ACTN4: variants seen among roughly 807,000 people sequenced by gnomAD.
ACTN4 encodes actinin alpha 4, also known as alpha-actinin-4.
ACTN4 carries 18 observed loss-of-function variants against 114.2 expected under a neutral mutation model. That is an observed-to-expected ratio of 0.16 (90% CI 0.11 to 0.23). The LOEUF (loss-of-function observed/expected upper bound fraction) is 0.23. ACTN4 is among the 10% of genes least tolerant of loss of function. ACTN4 has a pLI of 1.00. For synonymous variants in ACTN4, 515 were observed against 506.3 expected, an observed-to-expected ratio of 1.02 and a Z score of -0.23; for missense variants, 722 against 1,262.9, an observed-to-expected ratio of 0.57 and a Z score of 6.49.
At chr19:38,670,440 C>G (rs575744482) in intron 1 of ACTN4, among the ~76,000 whole-genome samples, 2 of 152,294 alleles carry the variant, frequency 1.3e-5, no homozygotes, top group South Asian at 2.1e-4. Flanking sequence ...ACCTGGTTCT[C>G]TTCTCCTGGG....
In ACTN4 at chr19:38,647,732, C is replaced by G. The variant is rs1031901984; in HGVS notation, c.-14C>G. The G allele has an allele frequency of 2.6e-6, 4 of 1,536,960 alleles. No homozygotes were observed. The African/African-American group carries it at 5.7e-5, about 22-fold the overall frequency. On this transcript the variant is annotated 5_prime_UTR_variant, in exon 1 of 21. Transcript: ENST00000252699. ...GGGAGCGGACAGGCTGGTGGGCGAG[C>G]GAGAGGCGGCGGAATGGTGGACTAC...
rs143238503 is a variant in ACTN4, at chr19:38,727,318, A to G, written c.2337+215A>G. ...TTCACACGCACAGGCAGGGGGCCGG[A>G]GGTCCCAAGTCCTGCCTTCTGGGGT... On this transcript the variant is annotated intron_variant, in intron 18 of 20. Transcript: ENST00000252699. The surrounding 1 kb of genome is among the most constrained non-coding windows in gnomAD (Gnocchi z 5.4). Among the ~76,000 whole-genome samples, 33 of 152,204 alleles carry G rather than the reference A, an allele frequency of 2.2e-4. 2 individuals carry two copies. The East Asian group carries it at 6.4e-3, about 29-fold the overall frequency.
At chr19:38,673,714 T>TC (rs1967273982) in intron 1 of ACTN4, among the ~76,000 whole-genome samples, 1 of 90,012 alleles carries the variant, frequency 1.1e-5, no homozygotes, top group Non-Finnish European at 2.2e-5. Context: ...TATATTTATA[T>TC]ATTTATATAT....
intron 1 of ACTN4, among the ~76,000 whole-genome samples, chr19:38,665,949 G>C (rs114559017): frequency 0.013 from 2,041 of 152,182 alleles, 54 homozygotes; most frequent in African/African-American, 0.046. Context: ...GTTGGTGTGT[G>C]ATGTAGAAGC....
chr19:38,710,127 C>T (rs1176931849), intron 7 of ACTN4, 130 bp from the exon 8 acceptor site: 1 of 940,912 alleles, frequency 1.1e-6, no homozygotes, highest in Non-Finnish European at 1.7e-6. Flanking sequence ...CTGAGCCCAC[C>T]CAAGTCACGC....
rs1451150160 is a variant in ACTN4, at chr19:38,723,630, G to A, written c.1459G>A (p.Asp487Asn). 6.2e-6 allele frequency: 10 copies of A among 1,612,786 alleles called. No homozygotes were observed. Among genetic ancestry groups the A allele is most frequent in the South Asian group, 4.4e-5 (4 of 90,832 alleles). ...GGCCCGCAGCGAGCTGGATTACTAC[G>A]ACTCCCACAATGTCAACACCCGGTG... ...AQELNELDYY[D>N]SHNVNTRCQK... The change falls in exon 13 of 21, where the codon GAC (aspartate) becomes AAC (asparagine). Residue 487 changes from aspartate to asparagine, a missense_variant. This residue lies in a region of ACTN4 where 523 missense variants were observed against 875.9 expected (regional missense o/e 0.60). Coordinates refer to ENST00000252699, the MANE Select transcript of ACTN4 (RefSeq NM_004924.6).
At chr19:38,676,301 G>A (rs1414309038) in intron 1 of ACTN4, among the ~76,000 whole-genome samples, 1 of 152,210 alleles carries the variant, frequency 6.6e-6, no homozygotes. Flanking sequence ...AGCATTTAAG[G>A]GGTCCTGGAA....
In ACTN4 at chr19:38,647,754, C is replaced by T; in HGVS notation, c.9C>T (p.Asp3=). The T allele has an allele frequency of 6.5e-7, 1 of 1,548,224 alleles. No individual in the cohort carries two copies. The stretch of plus-strand genomic sequence containing the variant: ...GAGCGAGAGGCGGCGGAATGGTGGA[C>T]TACCACGCGGCGAACCAGTCGTACC... MV[D]YHAANQSYQY... The change falls in exon 1 of 21, where the codon GAC becomes GAT. Residue 3 remains aspartate (D), a synonymous_variant. Coordinates refer to ENST00000252699, the MANE Select transcript of ACTN4 (RefSeq NM_004924.6).
intron 1 of ACTN4, among the ~76,000 whole-genome samples, chr19:38,659,332 C>T (rs997778441): frequency 2.0e-5 from 3 of 152,018 alleles, no homozygotes; most frequent in Non-Finnish European, 4.4e-5. Context: ...GCTGGGATTA[C>T]AGGTATGAGC....
chr19:38,655,006 C>T (rs1017573497), intron 1 of ACTN4, among the ~76,000 whole-genome samples: 4 of 152,120 alleles, frequency 2.6e-5, no homozygotes. Context: ...CCATTCTCTC[C>T]CCCTCCCCCA....
In ACTN4 at chr19:38,655,704, A is replaced by G. The variant is rs537789431; in HGVS notation, c.162+7797A>G. On this transcript the variant is annotated intron_variant, in intron 1 of 20. Coordinates refer to ENST00000252699, the MANE Select transcript of ACTN4 (RefSeq NM_004924.6). ...GAGGTTTTGTAAGAAACCAGGACAC[A>G]TTGAAAATACAGTCATTTCTCAGTA... Among the ~76,000 whole-genome samples the G allele has an allele frequency of 6.6e-5, 10 of 152,332 alleles. No homozygotes were observed. The East Asian group carries it at 1.5e-3, about 23-fold the overall frequency.
At chr19:38,728,331 A>G in intron 19 of ACTN4, 2 of 1,472,128 alleles carry the variant, frequency 1.4e-6, no homozygotes, top group Non-Finnish European at 1.8e-6. Context: ...GACAGGCAGC[A>G]TGGACTCCGA....
chr19:38,690,207 G>T (rs1967878265), intron 1 of ACTN4, among the ~76,000 whole-genome samples: 1 of 152,114 alleles, frequency 6.6e-6, no homozygotes. Context: ...ATTAAATCTT[G>T]CAACTGCACA....
chr19:38,712,338 C>T (rs1005470739), intron 8 of ACTN4, among the ~76,000 whole-genome samples: 4 of 152,204 alleles, frequency 2.6e-5, no homozygotes, highest in Non-Finnish European at 5.9e-5. Flanking sequence ...CCCCACTCTG[C>T]CACCTCTTGG....
At chr19:38,688,119 A>G (rs967885187) in intron 1 of ACTN4, among the ~76,000 whole-genome samples, 1 of 152,190 alleles carries the variant, frequency 6.6e-6, no homozygotes, top group African/African-American at 2.4e-5. Context: ...AATCAAAACC[A>G]TAACGTGGTT....
intron 1 of ACTN4, among the ~76,000 whole-genome samples, chr19:38,673,566 T>TA (rs1967232503): frequency 2.4e-5 from 2 of 83,062 alleles, no homozygotes; most frequent in Non-Finnish European, 5.2e-5. Context: ...CTTATATATA[T>TA]TTATATATAT....
intron 1 of ACTN4, among the ~76,000 whole-genome samples, chr19:38,696,417 C>T (rs1482292811): frequency 6.6e-6 from 1 of 152,040 alleles, no homozygotes; most frequent in Non-Finnish European, 1.5e-5. Flanking sequence ...GCATAGGGCC[C>T]CCATCTATAG....
intron 8 of ACTN4, among the ~76,000 whole-genome samples, chr19:38,711,979 CG>C (rs770444386): frequency 6.6e-6 from 1 of 152,250 alleles, no homozygotes; most frequent in Non-Finnish European, 1.5e-5. Flanking sequence ...CTGCTCCCCC[CG>C]CTTGCCTTGT....
At chr19:38,652,116 A>G (rs1312954812) in intron 1 of ACTN4, among the ~76,000 whole-genome samples, 2 of 151,992 alleles carry the variant, frequency 1.3e-5, no homozygotes, top group East Asian at 1.9e-4. Flanking sequence ...ACTTTGTTCC[A>G]TTACTCTAAT....
Sources: allele counts gnomAD v4.1 joint callset (sites outside exome capture counted in the v4.1 genomes callset), GRCh38; gene constraint gnomAD v4.1.1; regional missense constraint gnomAD v4.1.1; non-coding constraint Gnocchi (gnomAD v3.1); transcripts MANE v1.5; gene names NCBI Gene and HGNC (gene_info 2026-07-23, HGNC 2026-07-21).